FYB1: variants seen among roughly 807,000 people sequenced by gnomAD.
FYB1 encodes FYN binding protein 1, also known as FYN-binding protein 1.
In FYB1, 41 loss-of-function variants were observed where a neutral mutation model predicts 94.1. That is an observed-to-expected ratio of 0.44 (90% CI 0.34 to 0.57). FYB1 has a LOEUF of 0.57. Among genes scored for constraint, FYB1 ranks in the 20% least tolerant of loss-of-function variants. The pLI is 0.02. For synonymous variants in FYB1, 367 were observed against 353.2 expected (o/e 1.04, Z -0.44); for missense variants, 1,050 against 976.8 (o/e 1.07, Z -1.00).
At chr5:39,237,786 C>G (rs1299915278) in intron 1 of FYB1, among the ~76,000 whole-genome samples, 1 of 151,974 alleles carries the variant, frequency 6.6e-6, no homozygotes, top group East Asian at 1.9e-4. Context: ...AACAAGATTG[C>G]AACAAGAATG....
At chr5:39,170,082 A>G (rs1053021431) in intron 2 of FYB1, 2 of 833,418 alleles carry the variant, frequency 2.4e-6, no homozygotes, top group African/African-American at 3.3e-5. Context: ...TCACATTTGC[A>G]GTGCCAGCTA....
At chr5:39,195,641 A>G (rs1050906961) in intron 2 of FYB1, among the ~76,000 whole-genome samples, 5 of 152,212 alleles carry the variant, frequency 3.3e-5, no homozygotes, top group Non-Finnish European at 5.9e-5. Context: ...TCCTATAGCT[A>G]ACATATGGAA....
At chr5:39,201,078 T>C (rs260077) in intron 2 of FYB1, among the ~76,000 whole-genome samples, 134,884 of 152,196 alleles carry the variant, frequency 0.89, 60,949 homozygotes, top group Non-Finnish European at 0.98. Flanking sequence ...TTATGAATCA[T>C]AAAAGTTCAG....
intron 9 of FYB1, among the ~76,000 whole-genome samples, chr5:39,130,826 A>G (rs1158061185): frequency 6.6e-6 from 1 of 152,142 alleles, no homozygotes; most frequent in African/African-American, 2.4e-5. Context: ...AACAAGAATT[A>G]AGTTAATTAT....
intron 2 of FYB1, among the ~76,000 whole-genome samples, chr5:39,181,106 A>G (rs1373678510): frequency 6.6e-6 from 1 of 152,174 alleles, no homozygotes; most frequent in African/African-American, 2.4e-5. Context: ...CATGATACAT[A>G]TGGATTTAGG....
intron 1 of FYB1, among the ~76,000 whole-genome samples, chr5:39,244,503 G>T (rs371782980): frequency 6.6e-6 from 1 of 152,136 alleles, no homozygotes; most frequent in East Asian, 1.9e-4. Flanking sequence ...CTTGATCGTG[G>T]TGGATAAGCT....
intron 1 of FYB1, among the ~76,000 whole-genome samples, chr5:39,263,864 C>G (rs1752323111): frequency 6.6e-6 from 1 of 152,168 alleles, no homozygotes; most frequent in African/African-American, 2.4e-5. Context: ...AGTAGCCCTA[C>G]CCTCAAAATA....
chr5:39,235,050 GAATAATAAT>G lies in FYB1; in HGVS notation c.-27-32072_-27-32064del, dbSNP rs36227810. ...CTGCATATGTATCCAAGAACTTAAA[GAATAATAAT>G]AATAATAATAATAATAATAATAATG... On this transcript the variant is annotated intron_variant, in intron 1 of 1. Coordinates refer to the FYB1 transcript ENST00000510188. Among the ~76,000 whole-genome samples the G allele has an allele frequency of 6.9e-3, 1,022 of 148,462 alleles. 16 individuals are homozygous for G. The highest frequency in any genetic ancestry group is 0.023 in the African/African-American group (935 of 40,614).
At chr5:39,209,956 T>A (rs550533967) in intron 1 of FYB1, among the ~76,000 whole-genome samples, 3 of 152,390 alleles carry the variant, frequency 2.0e-5, no homozygotes, top group African/African-American at 7.2e-5. Flanking sequence ...TGGGCTGTGA[T>A]GCATTCCAGT....
At chr5:39,272,172 G>A (rs1752685528) in intron 1 of FYB1, among the ~76,000 whole-genome samples, 1 of 152,122 alleles carries the variant, frequency 6.6e-6, no homozygotes, top group Non-Finnish European at 1.5e-5. Flanking sequence ...AGGCATCAGT[G>A]TATTTCAAAG....
chr5:39,197,631 G>A (rs1329766641), intron 2 of FYB1, among the ~76,000 whole-genome samples: 1 of 152,332 alleles, frequency 6.6e-6, no homozygotes, highest in Non-Finnish European at 1.5e-5. Context: ...AATGACCTTC[G>A]AAAACTGCCT....
chr5:39,146,500 G>A (rs1161535002), intron 3 of FYB1, among the ~76,000 whole-genome samples: 1 of 152,048 alleles, frequency 6.6e-6, no homozygotes, highest in Non-Finnish European at 1.5e-5. Context: ...ATAGGCTTTT[G>A]ATTTTTTTGA....
At chr5:39,224,140 C>T (rs770215296), upstream of FYB1, among the ~76,000 whole-genome samples, 10 of 152,174 alleles carry the variant, frequency 6.6e-5, no homozygotes, top group Non-Finnish European at 8.8e-5. Context: ...GTAAATAACA[C>T]GAAACCGATG....
At chr5:39,218,015 A>G (rs1230266482) in intron 1 of FYB1, among the ~76,000 whole-genome samples, 1 of 152,198 alleles carries the variant, frequency 6.6e-6, no homozygotes, top group Non-Finnish European at 1.5e-5. Flanking sequence ...AAGGTGCAGC[A>G]TTGCACCAGA....
At chr5:39,161,246 AAT>A (rs1178219702) in intron 2 of FYB1, among the ~76,000 whole-genome samples, 2 of 152,186 alleles carry the variant, frequency 1.3e-5, no homozygotes, top group African/African-American at 4.8e-5. Flanking sequence ...TCACACATTT[AAT>A]GTTTCACTGA....
chr5:39,166,602 A>G (rs933694210), intron 2 of FYB1, among the ~76,000 whole-genome samples: 5 of 152,212 alleles, frequency 3.3e-5, no homozygotes, highest in African/African-American at 1.2e-4. Context: ...AAAATGTGGT[A>G]TACGTGGAAT....
intron 2 of FYB1, among the ~76,000 whole-genome samples, chr5:39,167,731 G>T (rs1181716608): frequency 3.9e-5 from 6 of 152,206 alleles, no homozygotes; most frequent in Admixed American, 3.3e-4. Flanking sequence ...AAGTAGAATT[G>T]CTGAGATGAA....
intron 1 of FYB1, among the ~76,000 whole-genome samples, chr5:39,206,131 T>G (rs1243399028): frequency 6.6e-6 from 1 of 152,246 alleles, no homozygotes; most frequent in Non-Finnish European, 1.5e-5. Flanking sequence ...TATTTAAGTT[T>G]GGTTTACCTA....
At chr5:39,248,574 C>G (rs1751581798) in intron 1 of FYB1, among the ~76,000 whole-genome samples, 1 of 152,136 alleles carries the variant, frequency 6.6e-6, no homozygotes, top group Admixed American at 6.5e-5. Flanking sequence ...TGCTGTGGTT[C>G]AATACTGTAA....
Sources: allele counts gnomAD v4.1 joint callset (sites outside exome capture counted in the v4.1 genomes callset), GRCh38; gene constraint gnomAD v4.1.1; transcripts MANE v1.5; gene names NCBI Gene and HGNC (gene_info 2026-07-23, HGNC 2026-07-21).